Variants in BEND3 observed in about 807,000 individuals in gnomAD.
BEND3 encodes BEN domain-containing protein 3.
BEND3 carries 13 observed loss-of-function variants against 60.1 expected under a neutral mutation model. That is an observed-to-expected ratio of 0.22 (90% CI 0.14 to 0.34). The LOEUF is 0.34. Among genes scored for constraint, BEND3 ranks in the 10% least tolerant of loss-of-function variants. The probability of loss-of-function intolerance (pLI) is 1.00; values close to 1 mark genes in which losing one functional copy is unlikely to be tolerated. For missense variants in BEND3, 896 were observed against 1,138.1 expected (o/e 0.79, Z 3.06); for synonymous variants, 497 against 491.5 (o/e 1.01, Z -0.15).
intron 1 of BEND3, among the ~76,000 whole-genome samples, chr6:107,101,474 G>A (rs782686263): frequency 6.6e-6 from 1 of 152,116 alleles, no homozygotes; most frequent in Non-Finnish European, 1.5e-5. Flanking sequence ...GTGCAAGACA[G>A]GCACAATTCT....
At chr6:107,075,095 AG>A (rs1316578278) in intron 3 of BEND3, among the ~76,000 whole-genome samples, 5 of 151,658 alleles carry the variant, frequency 3.3e-5, no homozygotes, top group African/African-American at 1.2e-4. Context: ...AAAAAAAAAA[AG>A]AAGAGGGAAG....
chr6:107,115,262 C>CT lies in BEND3; in HGVS notation c.-185dup, dbSNP rs1369386508. ...GCGAGCGCCGTGTATTTTCCCCTCT[C>CT]TTTGTGTGTGTCCGTGCGCTGCGCT... On this transcript the variant is annotated 5_prime_UTR_variant, in exon 1 of 4. Transcript: ENST00000369042. The CT allele has an allele frequency of 2.0e-5, 3 of 149,870 alleles. No homozygotes were observed. Among genetic ancestry groups the CT allele is most frequent in the African/African-American group, 7.3e-5 (3 of 41,112 alleles). 9.3% of individuals were successfully genotyped at this position (149,870 alleles called of 1,614,324 possible).
chr6:107,086,811 G>A (rs1225226932), intron 3 of BEND3, among the ~76,000 whole-genome samples: 1 of 151,870 alleles, frequency 6.6e-6, no homozygotes, highest in Non-Finnish European at 1.5e-5. Context: ...CGGATCACAA[G>A]GTCAAGAGAT....
At chr6:107,085,514 G>A (rs892590901) in intron 3 of BEND3, among the ~76,000 whole-genome samples, 4 of 151,484 alleles carry the variant, frequency 2.6e-5, no homozygotes, top group African/African-American at 9.7e-5. Flanking sequence ...TTTTTTGAGA[G>A]AGAGTCTCAC....
At chr6:107,078,206 AC>A (rs1775139477) in intron 3 of BEND3, among the ~76,000 whole-genome samples, 1 of 152,072 alleles carries the variant, frequency 6.6e-6, no homozygotes, top group Non-Finnish European at 1.5e-5. Context: ...ACATTGATAG[AC>A]GCCTGCCTGT....
At chr6:107,114,275 CCAGG>C (rs1461490297) in intron 1 of BEND3, 1 of 152,092 alleles carries the variant, frequency 6.6e-6, no homozygotes, top group Non-Finnish European at 1.5e-5. Context: ...GGCGAGCGCC[CCAGG>C]CTTCAGCTTT....
At chr6:107,086,066 C>CGTG (rs1775340267) in intron 3 of BEND3, among the ~76,000 whole-genome samples, 1 of 152,190 alleles carries the variant, frequency 6.6e-6, no homozygotes, top group Non-Finnish European at 1.5e-5. Flanking sequence ...GGATTACAGG[C>CGTG]ATGAGCCACC....
chr6:107,079,161 T>C (rs1665911), intron 3 of BEND3, among the ~76,000 whole-genome samples: 58,653 of 151,956 alleles, frequency 0.39, 11,285 homozygotes, highest in East Asian at 0.46. Flanking sequence ...GAGCACAGCA[T>C]GATGACAGGT....
intron 3 of BEND3, among the ~76,000 whole-genome samples, chr6:107,096,319 T>C (rs1002908714): frequency 4.6e-5 from 7 of 152,152 alleles, no homozygotes; most frequent in Non-Finnish European, 1.0e-4. Context: ...TTACATGAAA[T>C]GCCTAGAATT....
intron 1 of BEND3, among the ~76,000 whole-genome samples, chr6:107,102,008 G>A (rs1352435130): frequency 6.6e-6 from 1 of 152,210 alleles, no homozygotes; most frequent in Non-Finnish European, 1.5e-5. Context: ...GGAGGAGACA[G>A]CGGTTGGTTT....
chr6:107,079,895 C>CT (rs1428446611), intron 3 of BEND3, among the ~76,000 whole-genome samples: 345 of 143,914 alleles, frequency 2.4e-3, no homozygotes, highest in South Asian at 0.013. Flanking sequence ...TTCCTTTCTA[C>CT]TTTTTTTTTT....
In BEND3 at chr6:107,106,559, C is replaced by T. The variant is rs1337784772; in HGVS notation, c.-11-7263G>A. ...CCAAAAAATGGAATTCTTTACTAAA[C>T]TTTGGAGTCAGATGGAACTGCATGA... On this transcript the variant is annotated intron_variant, in intron 1 of 3. Transcript: ENST00000369042. 3.9e-5 allele frequency among the ~76,000 whole-genome samples: 6 copies of T among 152,290 alleles called. No individual in the cohort carries two copies. In the East Asian group the frequency reaches 9.6e-4, roughly 24 times the overall value.
intron 3 of BEND3, among the ~76,000 whole-genome samples, chr6:107,083,157 T>A (rs1374942802): frequency 6.6e-6 from 1 of 152,202 alleles, no homozygotes; most frequent in Non-Finnish European, 1.5e-5. Context: ...AGCTTTCATC[T>A]GCCACAGCAG....
At chr6:107,112,794 G>A (rs1211994235) in intron 1 of BEND3, among the ~76,000 whole-genome samples, 2 of 149,764 alleles carry the variant, frequency 1.3e-5, no homozygotes, top group East Asian at 2.0e-4. Context: ...CAGAGGTTGC[G>A]GTGAGCCAAG....
At position 107,070,326 on chromosome 6, in the gene BEND3, T is replaced by C; in HGVS notation, c.865A>G (p.Ser289Gly). 6.2e-7 allele frequency: 1 copy of C among 1,613,164 alleles called. No homozygotes were observed. Among genetic ancestry groups the C allele is most frequent in the South Asian group, 1.1e-5 (1 of 91,084 alleles). ...FSDVDFSRGC[S>G]ACGFAAKRKL... The stretch of plus-strand genomic sequence containing the variant: ...CGCTTGGCCGCAAAGCCACAGGCAC[T>C]GCAGCCCCGGGAGAAGTCCACGTCG... Residue 289 changes from serine to glycine, a missense_variant, in exon 4 of 4, where the codon AGT (serine) becomes GGT (glycine). Physicochemically the swap from Ser to Gly is moderately conservative, Grantham distance 56 (BLOSUM62 0). Around this residue, in one of 4 missense-constraint regions of BEND3, gnomAD observed 846 missense variants for 1,036.7 expected, o/e 0.82. Transcript: ENST00000369042. This position sits in a 1 kb window ranked among gnomAD's most constrained non-coding sequence, Gnocchi z 6.9.
chr6:107,090,863 C>G (rs1247806964), intron 3 of BEND3, among the ~76,000 whole-genome samples: 1 of 152,044 alleles, frequency 6.6e-6, no homozygotes, highest in East Asian at 1.9e-4. Flanking sequence ...GTAATCCCAG[C>G]ACTTTGGAAG....
At chr6:107,111,981 C>A (rs1279292272) in intron 1 of BEND3, among the ~76,000 whole-genome samples, 7 of 145,382 alleles carry the variant, frequency 4.8e-5, no homozygotes, top group African/African-American at 1.8e-4. Flanking sequence ...GACTCCGTTT[C>A]AAAAAAAAAA....
intron 1 of BEND3, among the ~76,000 whole-genome samples, chr6:107,102,132 C>T (rs1264780500): frequency 2.6e-5 from 4 of 152,086 alleles, no homozygotes; most frequent in East Asian, 3.9e-4. Context: ...AAACAGGCGT[C>T]GATGAGAGAA....
chr6:107,099,232 G>C lies in BEND3; in HGVS notation c.37+17C>G. ...TTCAGTTAAAAACATTTTTCAAAAA[G>C]GGCATTTTTTTTTTACCTTCTTCTA... On this transcript the variant is annotated intron_variant, in intron 2 of 3. Coordinates refer to ENST00000369042, the MANE Select transcript of BEND3 (RefSeq NM_001367314.1). The C allele has an allele frequency of 1.3e-6, 2 of 1,585,994 alleles. No homozygotes were observed. The highest frequency in any genetic ancestry group is 4.5e-5 in the East Asian group (2 of 44,800).
Sources: gnomAD v4.1 joint callset for allele counts (sites outside exome capture counted in the v4.1 genomes callset) on GRCh38, gnomAD v4.1.1 for gene constraint, gnomAD v4.1.1 regional missense constraint, Gnocchi (gnomAD v3.1) non-coding constraint, MANE v1.5 for transcripts, NCBI Gene and HGNC (gene_info 2026-07-23, HGNC 2026-07-21) for gene names.